The following LRRC37A variants were observed in gnomAD, a reference collection of about 807,000 sequenced individuals.
LRRC37A encodes the protein leucine-rich repeat-containing protein 37A.
LRRC37A carries 3 observed loss-of-function variants against 35.4 expected under a neutral mutation model. That is an observed-to-expected ratio of 0.08 (90% CI 0.04 to 0.22). The LOEUF is 0.22. LRRC37A is among the 10% of genes least tolerant of loss of function. The pLI, the probability that LRRC37A is intolerant of heterozygous loss-of-function variation, is 1.00. For missense variants in LRRC37A, 67 were observed against 565.3 expected, an observed-to-expected ratio of 0.12 and a Z score of 8.94; for synonymous variants, 23 against 215.0, an observed-to-expected ratio of 0.11 and a Z score of 7.81.
At chr17:46,262,304 C>A in the LRRC37A span, among the ~76,000 whole-genome samples, 2 of 152,186 alleles carry the variant, frequency 1.3e-5, no homozygotes. Flanking sequence ...AAAGTCCTGG[C>A]ATTATAGGCG....
chr17:46,282,870 G>C, the LRRC37A span, among the ~76,000 whole-genome samples: 2 of 152,340 alleles, frequency 1.3e-5, no homozygotes, highest in East Asian at 1.9e-4. Context: ...TGTTATCCCA[G>C]CATTTTGGGA....
At chr17:46,280,753 T>C in the LRRC37A span, among the ~76,000 whole-genome samples, 2 of 152,158 alleles carry the variant, frequency 1.3e-5, no homozygotes, top group African/African-American at 2.4e-5. Context: ...ATTGTATTTT[T>C]AGTAGGGACG....
the LRRC37A span, chr17:46,267,017 GCGC>G: frequency 5.4e-4 from 98 of 180,398 alleles, no homozygotes; most frequent in Non-Finnish European, 7.3e-4. Flanking sequence ...CTCGCCGCCC[GCGC>G]CGCCGCCGCG....
the LRRC37A span, among the ~76,000 whole-genome samples, chr17:46,271,175 T>TCTTTTC: frequency 3.3e-5 from 5 of 151,116 alleles, no homozygotes; most frequent in Admixed American, 6.6e-5. Flanking sequence ...TTTTTTTTTT[T>TCTTTTC]TTTTTTTGAG....
the LRRC37A span, among the ~76,000 whole-genome samples, chr17:46,267,835 G>T: frequency 6.7e-6 from 1 of 149,868 alleles, no homozygotes; most frequent in Admixed American, 6.6e-5. Flanking sequence ...GTTTAGAAAA[G>T]CTGCTTTTTT....
At chr17:46,254,699 G>C in the LRRC37A span, among the ~76,000 whole-genome samples, 2 of 150,138 alleles carry the variant, frequency 1.3e-5, no homozygotes, top group South Asian at 2.1e-4. Context: ...GTGCCACCGC[G>C]CCTGGCAATT....
chr17:46,259,178 C>T, the LRRC37A span, among the ~76,000 whole-genome samples: 1 of 151,406 alleles, frequency 6.6e-6, no homozygotes, highest in African/African-American at 2.4e-5. Context: ...GGCTCAGCTG[C>T]CCTTCCCCAC....
intron 10 of LRRC37A, chr17:46,334,941 T>G (rs2052233494): frequency 9.2e-6 from 1 of 108,334 alleles, no homozygotes; most frequent in Non-Finnish European, 2.1e-5. Context: ...AGTGATGACT[T>G]AAATTACATG....
the LRRC37A span, among the ~76,000 whole-genome samples, chr17:46,257,340 C>T: frequency 1.3e-5 from 2 of 151,282 alleles, no homozygotes; most frequent in African/African-American, 2.4e-5. Flanking sequence ...CCCAGTTACT[C>T]GGGAGGCTGA....
Position 46,312,210 on chromosome 17 carries a change from C to A in LRRC37A, c.2906+5901C>A, listed in dbSNP as rs2050833408. ...AGTCTCTCCATGGCCCAGGCACAAC[C>A]TTAGTCAAGAAAAGAATGCCTTAGA... is the stretch of plus-strand genomic sequence containing the variant. On this transcript the variant is annotated intron_variant, in intron 5 of 13. Coordinates refer to ENST00000320254, the Ensembl canonical transcript of LRRC37A. 1.0e-4 allele frequency among the ~76,000 whole-genome samples: 2 copies of A among 19,820 alleles called. 1 individual carries two copies. Among genetic ancestry groups the A allele is most frequent in the African/African-American group, 1.4e-4 (2 of 14,446 alleles). The allele number at this position is 19,820 out of a possible 152,430, so 13.0% of individuals were successfully genotyped here.
chr17:46,250,457 C>T, the LRRC37A span, among the ~76,000 whole-genome samples: 3 of 152,224 alleles, frequency 2.0e-5, no homozygotes, highest in Non-Finnish European at 2.9e-5. Context: ...CAGACCCACC[C>T]TTAATCTGGG....
chr17:46,290,805 A>C (rs528772789), upstream of LRRC37A, among the ~76,000 whole-genome samples: 27 of 152,374 alleles, frequency 1.8e-4, no homozygotes, highest in African/African-American at 6.5e-4. Flanking sequence ...GTCTATGAAA[A>C]GCCAAAAACA....
the LRRC37A span, among the ~76,000 whole-genome samples, chr17:46,277,425 C>T: frequency 2.0e-5 from 3 of 152,308 alleles, no homozygotes; most frequent in African/African-American, 4.8e-5. Flanking sequence ...GCTTCTACCT[C>T]ACAGTTACCA....
At chr17:46,259,019 A>ATTTTTTTTTTTTT in the LRRC37A span, among the ~76,000 whole-genome samples, 393 of 79,404 alleles carry the variant, frequency 4.9e-3, 21 homozygotes, top group Non-Finnish European at 6.2e-3. Context: ...CACCCGGCCT[A>ATTTTTTTTTTTTT]TTTTTTTTTT....
At chr17:46,256,722 C>T in the LRRC37A span, among the ~76,000 whole-genome samples, 2 of 152,158 alleles carry the variant, frequency 1.3e-5, no homozygotes, top group Non-Finnish European at 2.9e-5. Context: ...CAAAAATTCA[C>T]TGGGGACACA....
chr17:46,257,347 C>T, the LRRC37A span, among the ~76,000 whole-genome samples: 1 of 151,448 alleles, frequency 6.6e-6, no homozygotes, highest in Non-Finnish European at 1.5e-5. Context: ...ACTCGGGAGG[C>T]TGAGGCAGGA....
At chr17:46,289,526 G>A (rs973735677), upstream of LRRC37A, among the ~76,000 whole-genome samples, 3 of 152,104 alleles carry the variant, frequency 2.0e-5, no homozygotes, top group Non-Finnish European at 4.4e-5. Context: ...TTCTTTTAGA[G>A]ATAGGGTTTC....
upstream of LRRC37A, among the ~76,000 whole-genome samples, chr17:46,289,415 C>T (rs576187776): frequency 1.3e-5 from 2 of 150,328 alleles, no homozygotes; most frequent in East Asian, 3.9e-4. Flanking sequence ...AAGTGATCTG[C>T]CTGCCTTTGC....
chr17:46,322,472 AT>A, intron 6 of LRRC37A, 79 bp downstream of exon 6: 1 of 577,064 alleles, frequency 1.7e-6, no homozygotes, highest in South Asian at 2.4e-5. Context: ...AGTATTTTGC[AT>A]TTAGGCTAAA....
Sources: allele counts gnomAD v4.1 joint callset (sites outside exome capture counted in the v4.1 genomes callset), GRCh38; gene constraint gnomAD v4.1.1; transcripts MANE v1.5; gene names NCBI Gene and HGNC (gene_info 2026-07-23, HGNC 2026-07-21).